Variants in HEMK2 observed in about 807,000 individuals in gnomAD.
HEMK2 encodes the protein methyltransferase HEMK2.
At chr21:28,596,522 A>G in the HEMK2 span, among the ~76,000 whole-genome samples, 7 of 152,212 alleles carry the variant, frequency 4.6e-5, no homozygotes, top group African/African-American at 1.4e-4. Context: ...GAATAATTCT[A>G]TAATCCAGGA....
the HEMK2 span, among the ~76,000 whole-genome samples, chr21:28,624,068 A>T: frequency 6.6e-6 from 1 of 152,224 alleles, no homozygotes; most frequent in African/African-American, 2.4e-5. Flanking sequence ...AAGGCTGTAA[A>T]ACTGAGAAAG....
the HEMK2 span, among the ~76,000 whole-genome samples, chr21:28,642,440 G>A: frequency 2.6e-5 from 4 of 152,184 alleles, no homozygotes; most frequent in Non-Finnish European, 5.9e-5. Context: ...TCTGGTGGGA[G>A]CAGGCTCTAC....
chr21:28,692,307 C>G, the HEMK2 span, among the ~76,000 whole-genome samples: 1 of 152,074 alleles, frequency 6.6e-6, no homozygotes, highest in Non-Finnish European at 1.5e-5. Flanking sequence ...GAAAGAGATA[C>G]AATCAGGGAC....
the HEMK2 span, among the ~76,000 whole-genome samples, chr21:28,746,207 C>T: frequency 6.6e-6 from 1 of 152,142 alleles, no homozygotes; most frequent in African/African-American, 2.4e-5. Flanking sequence ...GTAACAACAG[C>T]TGATATTTAT....
chr21:28,767,275 T>C, the HEMK2 span, among the ~76,000 whole-genome samples: 3 of 151,876 alleles, frequency 2.0e-5, no homozygotes, highest in Non-Finnish European at 4.4e-5. Context: ...TTTTGTATAT[T>C]GCCAGTCTCG....
chr21:28,753,536 C>T, the HEMK2 span, among the ~76,000 whole-genome samples: 3 of 152,068 alleles, frequency 2.0e-5, no homozygotes, highest in Non-Finnish European at 4.4e-5. Context: ...TTGACATTCT[C>T]AATCATCATT....
the HEMK2 span, among the ~76,000 whole-genome samples, chr21:28,627,775 T>C: frequency 6.6e-6 from 1 of 152,182 alleles, no homozygotes; most frequent in Non-Finnish European, 1.5e-5. Context: ...CAGAGGCTAC[T>C]TTCTTTGCAA....
At chr21:28,795,749 G>A in the HEMK2 span, among the ~76,000 whole-genome samples, 1 of 152,224 alleles carries the variant, frequency 6.6e-6, no homozygotes, top group East Asian at 1.9e-4. Flanking sequence ...ACTATCTGCA[G>A]TGTGAATTTG....
chr21:28,878,325 ACTT>A, the HEMK2 span: 1 of 1,613,442 alleles, frequency 6.2e-7, no homozygotes. Context: ...CTATTCCGTG[ACTT>A]CCTACCTGTG....
chr21:28,697,811 A>G, the HEMK2 span, among the ~76,000 whole-genome samples: 2 of 134,786 alleles, frequency 1.5e-5, no homozygotes, highest in Non-Finnish European at 3.1e-5. Context: ...CTTTTCTTTA[A>G]GAATTACCCA....
At chr21:28,856,607 A>G in the HEMK2 span, among the ~76,000 whole-genome samples, 1 of 152,288 alleles carries the variant, frequency 6.6e-6, no homozygotes, top group Admixed American at 6.5e-5. Flanking sequence ...AGGTTGTCAC[A>G]TTGTGACTGA....
chr21:28,677,361 C>T, the HEMK2 span, among the ~76,000 whole-genome samples: 3 of 152,208 alleles, frequency 2.0e-5, no homozygotes, highest in Non-Finnish European at 4.4e-5. Context: ...CGGGTGTCCA[C>T]CATTGCCGAG....
At chr21:28,583,991 G>C in the HEMK2 span, among the ~76,000 whole-genome samples, 2 of 152,080 alleles carry the variant, frequency 1.3e-5, no homozygotes, top group Non-Finnish European at 2.9e-5. Context: ...AAATGTACAG[G>C]AGTCTCTGAA....
At chr21:28,775,704 G>A in the HEMK2 span, among the ~76,000 whole-genome samples, 4 of 152,196 alleles carry the variant, frequency 2.6e-5, no homozygotes, top group South Asian at 8.3e-4. Context: ...TGAATTTAAG[G>A]TCCTAAAAGG....
chr21:28,882,420 GA>G, the HEMK2 span, among the ~76,000 whole-genome samples: 16 of 152,144 alleles, frequency 1.1e-4, no homozygotes, highest in African/African-American at 3.9e-4. Context: ...TTGTTCTATT[GA>G]TGAAAAAGAC....
the HEMK2 span, among the ~76,000 whole-genome samples, chr21:28,676,125 T>A: frequency 6.6e-6 from 1 of 152,176 alleles, no homozygotes; most frequent in Non-Finnish European, 1.5e-5. Context: ...GGTGTATGGT[T>A]TTTAGGGCTG....
At chr21:28,839,000 T>TATATATATATATATATATAC in the HEMK2 span, among the ~76,000 whole-genome samples, 86 of 57,934 alleles carry the variant, frequency 1.5e-3, 1 homozygote, top group Non-Finnish European at 2.5e-3. Context: ...TATATATATA[T>TATATATATATATATATATAC]ACATATATAT....
chr21:28,703,319 G>GT, the HEMK2 span, among the ~76,000 whole-genome samples: 11 of 99,096 alleles, frequency 1.1e-4, no homozygotes, highest in African/African-American at 7.1e-4. Context: ...TAAAATAAAA[G>GT]TTAAAAAAAA....
the HEMK2 span, among the ~76,000 whole-genome samples, chr21:28,863,799 C>T: frequency 1.5e-4 from 23 of 151,998 alleles, no homozygotes; most frequent in Non-Finnish European, 1.0e-4. Context: ...TGAACACTTG[C>T]TGCTCTGGCA....
Sources: gnomAD v4.1 joint callset for allele counts (sites outside exome capture counted in the v4.1 genomes callset) on GRCh38, gnomAD v4.1.1 for gene constraint, MANE v1.5 for transcripts, NCBI Gene and HGNC (gene_info 2026-07-23, HGNC 2026-07-21) for gene names.